The following LARGE1 variants were observed in gnomAD, a reference collection of about 807,000 sequenced individuals.
The protein encoded by LARGE1 is LARGE xylosyl- and glucuronyltransferase 1, also known as xylosyl- and glucuronyltransferase LARGE1.
A neutral mutation model predicts 87.6 loss-of-function variants in LARGE1; 43 were observed. That is an observed-to-expected ratio of 0.49 (90% confidence interval 0.38 to 0.63). LARGE1 has a LOEUF of 0.63. Among genes scored for constraint, LARGE1 ranks in the 30% least tolerant of loss-of-function variants. LARGE1 has a pLI of 0.00. For missense variants in LARGE1, 802 were observed against 1,000.2 expected (o/e 0.80, Z 2.67); for synonymous variants, 434 against 394.6 (o/e 1.10, Z -1.18).
intron 6 of LARGE1, among the ~76,000 whole-genome samples, chr22:33,545,449 C>CACACACAA (rs1173952096): frequency 5.0e-5 from 7 of 138,704 alleles, no homozygotes; most frequent in African/African-American, 1.8e-4. Flanking sequence ...CACACACACA[C>CACACACAA]AATTTCTTCT....
intron 2 of LARGE1, among the ~76,000 whole-genome samples, chr22:33,742,882 A>C (rs2083939083): frequency 6.6e-6 from 1 of 152,010 alleles, no homozygotes; most frequent in South Asian, 2.1e-4. Context: ...CCAGTGATAA[A>C]GTCTGTATCT....
chr22:33,565,875 A>T (rs2078011017), intron 5 of LARGE1, among the ~76,000 whole-genome samples: 1 of 152,230 alleles, frequency 6.6e-6, no homozygotes, highest in Non-Finnish European at 1.5e-5. Context: ...AAGGATAAAA[A>T]TAAAAGCACC....
Position 33,239,561 on chromosome 22 carries a change from C to G in LARGE1, c.1730+64668G>C, listed in dbSNP as rs1427052591. Among the ~76,000 whole-genome samples the G allele has an allele frequency of 6.4e-5, 6 of 93,336 alleles. No individual in the cohort carries two copies. In the East Asian group the frequency reaches 2.1e-3, roughly 32 times the overall value. The allele number at this position is 93,336 out of a possible 152,430, so 61.2% of individuals were successfully genotyped here. On this transcript the variant is annotated intron_variant, in intron 11 of 11. Coordinates refer to the LARGE1 transcript ENST00000608642. ...TTTTTTTTTTTTTTTTTTTTTGAGA[C>G]AGAGTCTCACTCTGTCACCCAGGCT... is the stretch of plus-strand genomic sequence containing the variant.
rs1021630518 is a variant in LARGE1 at position 33,519,233 on chromosome 22, C to CGTGT, written c.787+45614_787+45615insACAC. On this transcript the variant is annotated intron_variant, in intron 6 of 14. Coordinates refer to ENST00000397394, the MANE Select transcript of LARGE1 (RefSeq NM_133642.5). ...GGTCCCTGAGCTGCGTGCGTGCGCG[C>CGTGT]GCGTGTGTGTGTGTGTGTGTGTGTG... Among the ~76,000 whole-genome samples, 807 of 121,386 alleles carry CGTGT rather than the reference C, an allele frequency of 6.6e-3. 7 individuals carry two copies. The highest frequency in any genetic ancestry group is 0.014 in the Admixed American group (155 of 11,302). 79.6% of individuals were successfully genotyped at this position (121,386 alleles called of 152,430 possible).
chr22:33,694,834 G>A (rs922099706), intron 2 of LARGE1, among the ~76,000 whole-genome samples: 1 of 152,152 alleles, frequency 6.6e-6, no homozygotes. Flanking sequence ...TAGTGGTCGT[G>A]TTTGCATGCC....
At chr22:33,766,519 G>A (rs1013893502) in intron 1 of LARGE1, among the ~76,000 whole-genome samples, 4 of 152,158 alleles carry the variant, frequency 2.6e-5, no homozygotes, top group East Asian at 3.9e-4. Flanking sequence ...TCCGCCTCCC[G>A]GGTTCACGCA....
At chr22:33,227,063 T>C (rs925291560) in intron 11 of LARGE1, among the ~76,000 whole-genome samples, 5 of 152,200 alleles carry the variant, frequency 3.3e-5, no homozygotes, top group Non-Finnish European at 7.4e-5. Context: ...ACTATATTTA[T>C]TTATTTATTT....
At chr22:33,521,709 G>A (rs1037224101) in intron 6 of LARGE1, among the ~76,000 whole-genome samples, 4 of 152,152 alleles carry the variant, frequency 2.6e-5, no homozygotes, top group African/African-American at 4.8e-5. Context: ...CATACACCAC[G>A]TTTTTTCTAC....
chr22:33,719,810 G>A (rs904212211), intron 2 of LARGE1, among the ~76,000 whole-genome samples: 9 of 152,104 alleles, frequency 5.9e-5, no homozygotes, highest in South Asian at 4.2e-4. Flanking sequence ...GTGAGCCACC[G>A]CACCTGGCTC....
chr22:33,795,686 A>G (rs1171038824), intron 1 of LARGE1, among the ~76,000 whole-genome samples: 1 of 152,150 alleles, frequency 6.6e-6, no homozygotes, highest in Non-Finnish European at 1.5e-5. Flanking sequence ...AGCCCTAAAA[A>G]AGGATGCGTT....
At chr22:33,862,183 G>C (rs2063947423) in intron 1 of LARGE1, among the ~76,000 whole-genome samples, 2 of 152,094 alleles carry the variant, frequency 1.3e-5, no homozygotes, top group African/African-American at 4.8e-5. Context: ...TTCTAACACA[G>C]ACAAATCCTC....
At chr22:33,689,102 A>T (rs240070) in intron 2 of LARGE1, among the ~76,000 whole-genome samples, 23,259 of 151,890 alleles carry the variant, frequency 0.15, 2,000 homozygotes, top group East Asian at 0.27. Context: ...TACTATGCCC[A>T]TATTTAGAAA....
At chr22:33,299,836 C>G (rs933302889) in intron 12 of LARGE1, among the ~76,000 whole-genome samples, 10 of 152,202 alleles carry the variant, frequency 6.6e-5, no homozygotes, top group Admixed American at 2.0e-4. Context: ...TTTCTGAGAT[C>G]AAAAGTGAAA....
intron 1 of LARGE1, among the ~76,000 whole-genome samples, chr22:33,808,217 G>A (rs191151084): frequency 1.2e-3 from 188 of 152,356 alleles, no homozygotes; most frequent in Non-Finnish European, 2.2e-3. Flanking sequence ...GTAGCAGTAC[G>A]TCACTGTTGT....
chr22:33,513,812 T>TACACACACACACATAC lies in LARGE1; in HGVS notation c.787+51035_787+51036insGTATGTGTGTGTGTGT, dbSNP rs111795849. 4.6e-3 allele frequency among the ~76,000 whole-genome samples: 665 copies of TACACACACACACATAC among 143,258 alleles called. 6 individuals are homozygous for TACACACACACACATAC. Among genetic ancestry groups the TACACACACACACATAC allele is most frequent in the African/African-American group, 0.017 (642 of 38,904 alleles). 94.0% of individuals were successfully genotyped at this position (143,258 alleles called of 152,430 possible). On this transcript the variant is annotated intron_variant, in intron 6 of 14. Coordinates refer to ENST00000397394, the MANE Select transcript of LARGE1 (RefSeq NM_133642.5). ...AGCTCTAGAGACTTAAGAGCTGATG[T>TACACACACACACATAC]ACACACACACACACACACACACACA...
chr22:33,542,761 C>A (rs2077248521), intron 6 of LARGE1, among the ~76,000 whole-genome samples: 1 of 151,776 alleles, frequency 6.6e-6, no homozygotes, highest in Admixed American at 6.6e-5. Flanking sequence ...CCCACCTACT[C>A]AAATCCATTT....
At chr22:33,552,938 C>T (rs1391182931) in intron 6 of LARGE1, among the ~76,000 whole-genome samples, 2 of 152,138 alleles carry the variant, frequency 1.3e-5, no homozygotes, top group African/African-American at 2.4e-5. Flanking sequence ...TGCCTGGAAG[C>T]GTGGGGCCTC....
At chr22:33,433,312 G>A (rs906685359) in intron 6 of LARGE1, among the ~76,000 whole-genome samples, 3 of 152,060 alleles carry the variant, frequency 2.0e-5, no homozygotes, top group African/African-American at 7.2e-5. Flanking sequence ...AAGGGAAATT[G>A]AGGGCTGGGT....
intron 12 of LARGE1, among the ~76,000 whole-genome samples, chr22:33,285,285 G>C (rs1033917977): frequency 5.2e-4 from 79 of 152,126 alleles, no homozygotes; most frequent in Middle Eastern, 3.4e-3. Flanking sequence ...GCATTGTAAG[G>C]CATTTTGAAA....
Sources: allele counts gnomAD v4.1 joint callset (sites outside exome capture counted in the v4.1 genomes callset), GRCh38; gene constraint gnomAD v4.1.1; transcripts MANE v1.5; gene names NCBI Gene and HGNC (gene_info 2026-07-23, HGNC 2026-07-21).